The following MCC variants were observed in gnomAD, a reference collection of about 807,000 sequenced individuals.
The protein encoded by MCC is MCC regulator of Wnt signaling pathway.
In MCC, 90 loss-of-function variants were observed where a neutral mutation model predicts 116.2. The ratio of observed to expected loss-of-function variants is 0.77; its 90% CI spans 0.65 to 0.92. MCC has a LOEUF of 0.92. MCC is among the 40% of genes least tolerant of loss of function. The probability of loss-of-function intolerance (pLI) is 0.00; values close to 1 mark genes in which losing one functional copy is unlikely to be tolerated. For missense variants in MCC, 1,516 were observed against 1,312.2 expected, an observed-to-expected ratio of 1.16 and a Z score of -2.40; for synonymous variants, 578 against 510.5, an observed-to-expected ratio of 1.13 and a Z score of -1.78.
chr5:113,034,127 T>C (rs12516502), intron 17 of MCC, among the ~76,000 whole-genome samples: 113,530 of 150,148 alleles, frequency 0.76, 43,352 homozygotes, highest in South Asian at 0.83. Flanking sequence ...TGCAAACTAC[T>C]GGGCTCTAGT....
At chr5:113,158,632 C>A (rs1251060289) in intron 3 of MCC, among the ~76,000 whole-genome samples, 1 of 152,156 alleles carries the variant, frequency 6.6e-6, no homozygotes, top group African/African-American at 2.4e-5. Context: ...TTAACCATCA[C>A]CACAATGCTG....
intron 1 of MCC, among the ~76,000 whole-genome samples, chr5:113,468,604 T>C (rs1771982140): frequency 6.6e-6 from 1 of 152,224 alleles, no homozygotes; most frequent in Non-Finnish European, 1.5e-5. Flanking sequence ...TTGAGGATTT[T>C]TGCATCGATG....
At chr5:113,439,373 A>G (rs1430445276) in intron 1 of MCC, among the ~76,000 whole-genome samples, 1 of 146,818 alleles carries the variant, frequency 6.8e-6, no homozygotes, top group Non-Finnish European at 1.5e-5. Flanking sequence ...GCCTTGAAGC[A>G]AAGGTAGATG....
At chr5:113,203,520 C>A (rs1034990248) in intron 3 of MCC, among the ~76,000 whole-genome samples, 1 of 151,932 alleles carries the variant, frequency 6.6e-6, no homozygotes, top group African/African-American at 2.4e-5. Flanking sequence ...ACTTTGCTGA[C>A]CTGCCCGGGG....
chr5:113,237,916 A>G (rs927386897), intron 3 of MCC, among the ~76,000 whole-genome samples: 4 of 152,224 alleles, frequency 2.6e-5, no homozygotes, highest in African/African-American at 9.7e-5. Flanking sequence ...GACAGCAGAA[A>G]AATAATTTCC....
At chr5:113,419,799 C>T (rs887915875) in intron 1 of MCC, among the ~76,000 whole-genome samples, 46 of 145,476 alleles carry the variant, frequency 3.2e-4, no homozygotes, top group Middle Eastern at 3.7e-3. Context: ...CATGTTCTCA[C>T]TCATAGGTGG....
chr5:113,060,146 TTTTGTTTGTTTG>T lies in MCC; in HGVS notation c.2213+3826_2213+3837del, dbSNP rs201966856. Among the ~76,000 whole-genome samples the T allele has an allele frequency of 2.5e-4, 38 of 151,876 alleles. No individual in the cohort carries two copies. The East Asian group carries it at 2.5e-3, about 10-fold the overall frequency. On this transcript the variant is annotated intron_variant, in intron 14 of 18. Coordinates refer to ENST00000408903, the MANE Select transcript of MCC (RefSeq NM_001085377.2). ...CTCATTTCCATCAAGGAGCAGCTCT[TTTTGTTTGTTTG>T]TTTGTTTGTTTGTTTGAGACAGAGT...
rs570761723 is a variant in MCC at position 113,217,822 on chromosome 5, T to C, written c.628-66400A>G. On this transcript the variant is annotated intron_variant, in intron 3 of 18. Coordinates refer to ENST00000408903, the MANE Select transcript of MCC (RefSeq NM_001085377.2). ...CACTTCTCATGAAAATGCTGTCCTA[T>C]CTAATCCCAGGAGACAAGAGAAACA... is the stretch of plus-strand genomic sequence containing the variant. Among the ~76,000 whole-genome samples, 3 of 152,010 alleles carry C rather than the reference T, an allele frequency of 2.0e-5. No individual in the cohort carries two copies. In the East Asian group the frequency reaches 5.8e-4, roughly 30 times the overall value.
intron 11 of MCC, 72 bp downstream of exon 11, chr5:113,082,788 T>A: frequency 3.2e-6 from 5 of 1,565,446 alleles, no homozygotes; most frequent in Non-Finnish European, 3.5e-6. Flanking sequence ...CTTGAACAGA[T>A]CTTTGGAAAG....
intron 3 of MCC, among the ~76,000 whole-genome samples, chr5:113,257,817 G>A (rs1765076577): frequency 6.6e-6 from 1 of 152,142 alleles, no homozygotes; most frequent in Non-Finnish European, 1.5e-5. Flanking sequence ...TGGAGGAGAA[G>A]TGATAATCAA....
At chr5:113,220,175 A>C (rs1391032467) in intron 3 of MCC, among the ~76,000 whole-genome samples, 4 of 101,366 alleles carry the variant, frequency 3.9e-5, no homozygotes, top group Non-Finnish European at 2.5e-5. Context: ...TTCCTGCCGC[A>C]GCCTCCTCAG....
In MCC at chr5:113,339,408, AGTGTGTGTGTGT is replaced by A. The variant is rs60886614; in HGVS notation, c.627+1099_627+1110del. On this transcript the variant is annotated intron_variant, in intron 3 of 18. Transcript: ENST00000408903. The stretch of plus-strand genomic sequence containing the variant: ...GTCCATATTTTATCTAGGCTTCCTT[AGTGTGTGTGTGT>A]GTGTGTGTGTGTGTGTGTGCGTGCA... 5.7e-5 allele frequency among the ~76,000 whole-genome samples: 7 copies of A among 123,666 alleles called. No homozygotes were observed. In the East Asian group the frequency reaches 6.9e-4, roughly 12 times the overall value. 81.1% of individuals were successfully genotyped at this position (123,666 alleles called of 152,430 possible).
At chr5:113,029,283 C>A (rs1195563567) in intron 17 of MCC, among the ~76,000 whole-genome samples, 1 of 151,646 alleles carries the variant, frequency 6.6e-6, no homozygotes, top group East Asian at 1.9e-4. Context: ...TTTTAAAGAT[C>A]TTATGTGTCA....
intron 3 of MCC, among the ~76,000 whole-genome samples, chr5:113,259,775 C>A (rs1765154758): frequency 6.6e-6 from 1 of 151,966 alleles, no homozygotes; most frequent in African/African-American, 2.4e-5. Context: ...AAGGTCATCG[C>A]CAAGATCTGA....
At chr5:113,075,984 C>G (rs531059083) in intron 11 of MCC, among the ~76,000 whole-genome samples, 2 of 152,230 alleles carry the variant, frequency 1.3e-5, no homozygotes, top group Non-Finnish European at 2.9e-5. Flanking sequence ...GTCTTGAAGC[C>G]AGCGAGACCA....
At chr5:113,269,095 C>T (rs1450362748) in intron 3 of MCC, 3 of 848,206 alleles carry the variant, frequency 3.5e-6, no homozygotes, top group Non-Finnish European at 4.3e-6. Context: ...ATGGAGAAGA[C>T]AGGGATGAAG....
intron 3 of MCC, among the ~76,000 whole-genome samples, chr5:113,174,306 G>A (rs542069807): frequency 2.1e-4 from 32 of 152,298 alleles, no homozygotes; most frequent in Admixed American, 7.8e-4. Context: ...CAATTCACTG[G>A]TGGAGGCTGG....
In MCC at chr5:113,308,640, T is replaced by C. The variant is rs183142844; in HGVS notation, c.627+31879A>G. 5.9e-5 allele frequency among the ~76,000 whole-genome samples: 9 copies of C among 152,104 alleles called. No homozygotes were observed. The East Asian group carries it at 1.7e-3, about 29-fold the overall frequency. ...GAGTTCCAGACCAGTCTGGGCAACA[T>C]AGGGAGACCTTTGTCTCTACAGAAA... On this transcript the variant is annotated intron_variant, in intron 3 of 18. Transcript: ENST00000408903.
intron 3 of MCC, among the ~76,000 whole-genome samples, chr5:113,159,411 C>T (rs1392555847): frequency 1.3e-5 from 2 of 152,184 alleles, no homozygotes; most frequent in Non-Finnish European, 2.9e-5. Context: ...CACACATCGT[C>T]TTACCACTGG....
Sources: allele counts gnomAD v4.1 joint callset (sites outside exome capture counted in the v4.1 genomes callset), GRCh38; gene constraint gnomAD v4.1.1; transcripts MANE v1.5; gene names NCBI Gene and HGNC (gene_info 2026-07-23, HGNC 2026-07-21).